DDC: variants seen among roughly 807,000 people sequenced by gnomAD.
The protein encoded by DDC is dopa decarboxylase.
In DDC, 43 loss-of-function variants were observed where a neutral mutation model predicts 60.0. That is an observed-to-expected ratio of 0.72 (90% CI 0.56 to 0.92). The LOEUF (loss-of-function observed/expected upper bound fraction) is 0.92, where lower values mean the gene tolerates loss of function less well. Among genes scored for constraint, DDC ranks in the 40% least tolerant of loss-of-function variants. DDC has a pLI of 0.00. For missense variants in DDC, 573 were observed against 620.2 expected, an observed-to-expected ratio of 0.92 and a Z score of 0.81; for synonymous variants, 232 against 234.6, an observed-to-expected ratio of 0.99 and a Z score of 0.10.
chr7:50,494,602 A>G (rs1231995991), intron 9 of DDC, among the ~76,000 whole-genome samples: 2 of 151,888 alleles, frequency 1.3e-5, no homozygotes, highest in Admixed American at 1.3e-4. Context: ...AAAAAAAAAA[A>G]AGAGAGGAAG....
intron 6 of DDC, among the ~76,000 whole-genome samples, chr7:50,527,453 C>G (rs1305250704): frequency 1.3e-5 from 2 of 152,090 alleles, no homozygotes; most frequent in African/African-American, 2.4e-5. Context: ...TCAAATTGTA[C>G]TGAAATTGTT....
At chr7:50,512,416 T>C (rs1363586695) in intron 6 of DDC, among the ~76,000 whole-genome samples, 1 of 152,176 alleles carries the variant, frequency 6.6e-6, no homozygotes, top group Non-Finnish European at 1.5e-5. Flanking sequence ...GATGCAATTA[T>C]TTTGAAACTC....
intron 9 of DDC, among the ~76,000 whole-genome samples, chr7:50,487,110 A>C (rs1750442806): frequency 1.3e-5 from 2 of 152,330 alleles, no homozygotes; most frequent in South Asian, 4.1e-4. Flanking sequence ...TTATGTCTAT[A>C]TGTTCAGATA....
intron 6 of DDC, chr7:50,527,876 AT>A (rs2044080983): frequency 8.0e-6 from 3 of 374,940 alleles, no homozygotes; most frequent in African/African-American, 2.1e-5. Context: ...AAAAAAAAAA[AT>A]GGAGGTAAAA....
chr7:50,560,019 A>G (rs2045304767), intron 1 of DDC, among the ~76,000 whole-genome samples: 1 of 152,148 alleles, frequency 6.6e-6, no homozygotes, highest in South Asian at 2.1e-4. Flanking sequence ...GAATGGCTTG[A>G]TTTTGTTTCC....
At chr7:50,480,490 C>A (rs1271859645) in intron 9 of DDC, among the ~76,000 whole-genome samples, 1 of 152,136 alleles carries the variant, frequency 6.6e-6, no homozygotes, top group Non-Finnish European at 1.5e-5. Flanking sequence ...TATGGGAACC[C>A]CCCTGAGTTT....
At chr7:50,505,102 T>C (rs925953220) in intron 6 of DDC, among the ~76,000 whole-genome samples, 2 of 152,226 alleles carry the variant, frequency 1.3e-5, no homozygotes, top group Admixed American at 1.3e-4. Flanking sequence ...TCTGAGGACC[T>C]TGTGGTGCCA....
rs778157048 is a variant in DDC at position 50,529,209 on chromosome 7, T to A, written c.569A>T (p.Gln190Leu). ...MEKLVAYSSD[Q>L]AHSSVERAGL... ...CTGATACCCCCACAACACACTCACCTGATCGGATGAGTAAGCCACCAGCTT... is the reference window on the plus strand; with the variant it reads ...CTGATACCCCCACAACACACTCACCAGATCGGATGAGTAAGCCACCAGCTT... Residue 190 changes from glutamine (Q) to leucine (L), a missense_variant and splice_region_variant, in exon 5 of 15, where the codon CAG (glutamine) becomes CTG (leucine). Physicochemically the swap from Gln to Leu is moderately radical, Grantham distance 113 (BLOSUM62 -2). Coordinates refer to ENST00000444124, the MANE Select transcript of DDC (RefSeq NM_001082971.2). 2.9e-5 allele frequency: 47 copies of A among 1,612,934 alleles called. No homozygotes were observed. Among genetic ancestry groups the A allele is most frequent in the Non-Finnish European group, 4.0e-5 (47 of 1,179,946 alleles).
intron 4 of DDC, among the ~76,000 whole-genome samples, chr7:50,529,901 G>A (rs1339818199): frequency 6.6e-6 from 1 of 152,136 alleles, no homozygotes; most frequent in Non-Finnish European, 1.5e-5. Context: ...GACCATATTT[G>A]GAGATAGGCT....
intron 1 of DDC, among the ~76,000 whole-genome samples, chr7:50,559,736 C>T (rs1008603495): frequency 1.3e-5 from 2 of 152,214 alleles, no homozygotes; most frequent in African/African-American, 4.8e-5. Context: ...CCGCAGAACA[C>T]TTCTTTTAAA....
chr7:50,472,510 C>G (rs989083790), intron 11 of DDC, among the ~76,000 whole-genome samples: 1 of 152,108 alleles, frequency 6.6e-6, no homozygotes, highest in African/African-American at 2.4e-5. Flanking sequence ...ATGCAGTTTC[C>G]TCATCCAAAT....
intron 6 of DDC, among the ~76,000 whole-genome samples, chr7:50,508,647 G>T (rs2043465971): frequency 6.6e-6 from 1 of 152,192 alleles, no homozygotes; most frequent in Admixed American, 6.5e-5. Flanking sequence ...GCCCTCAGCA[G>T]CAAGTCTTCA....
At chr7:50,497,506 C>T (rs1017341505) in intron 8 of DDC, among the ~76,000 whole-genome samples, 6 of 152,124 alleles carry the variant, frequency 3.9e-5, no homozygotes, top group Non-Finnish European at 7.4e-5. Flanking sequence ...GACTGCTTAG[C>T]CCTTCCTCCC....
chr7:50,551,319 C>T (rs752046627), intron 1 of DDC, among the ~76,000 whole-genome samples: 2 of 151,702 alleles, frequency 1.3e-5, no homozygotes, highest in East Asian at 3.9e-4. Context: ...CAACCTCTGC[C>T]TCCCAGGTTC....
intron 4 of DDC, among the ~76,000 whole-genome samples, chr7:50,533,727 T>G (rs1047574123): frequency 7.9e-5 from 12 of 152,142 alleles, no homozygotes; most frequent in African/African-American, 1.9e-4. Context: ...TTGAAGTCCC[T>G]GAAAAAGAGT....
At chr7:50,557,529 T>A (rs766492292) in intron 1 of DDC, among the ~76,000 whole-genome samples, 1 of 152,218 alleles carries the variant, frequency 6.6e-6, no homozygotes, top group Non-Finnish European at 1.5e-5. Flanking sequence ...GGATCCTTTT[T>A]TCACTTGACA....
chr7:50,493,381 G>A (rs1209074196), intron 9 of DDC, among the ~76,000 whole-genome samples: 3 of 151,888 alleles, frequency 2.0e-5, no homozygotes, highest in Admixed American at 1.3e-4. Flanking sequence ...ATCTGAGGAC[G>A]CCTGCCCCTT....
intron 12 of DDC, among the ~76,000 whole-genome samples, chr7:50,469,129 A>AG (rs71018472): frequency 0.51 from 76,004 of 149,340 alleles, 19,860 homozygotes; most frequent in Admixed American, 0.6. Flanking sequence ...TTTTTTTAGT[A>AG]GAGACAAGGT....
chr7:50,506,344 G>A (rs2043394895), intron 6 of DDC, among the ~76,000 whole-genome samples: 1 of 152,138 alleles, frequency 6.6e-6, no homozygotes, highest in Admixed American at 6.5e-5. Flanking sequence ...CCACACACCG[G>A]GGCCTGTCAT....
Sources: gnomAD v4.1 joint callset for allele counts (sites outside exome capture counted in the v4.1 genomes callset) on GRCh38, gnomAD v4.1.1 for gene constraint, MANE v1.5 for transcripts, NCBI Gene and HGNC (gene_info 2026-07-23, HGNC 2026-07-21) for gene names.